The following COLQ variants were observed in gnomAD, a reference collection of about 807,000 sequenced individuals.
The protein encoded by COLQ is collagen like tail subunit of asymmetric acetylcholinesterase.
COLQ carries 48 observed loss-of-function variants against 69.0 expected under a neutral mutation model. The observed-to-expected ratio is 0.70, with a 90% confidence interval of 0.55 to 0.88. COLQ has a LOEUF of 0.88. Ranked by LOEUF, COLQ falls within the 40% of genes least tolerant of loss-of-function variation. The pLI is 0.00. For missense variants in COLQ, 618 were observed against 594.6 expected (o/e 1.04, Z -0.41); for synonymous variants, 217 against 211.2 (o/e 1.03, Z -0.24).
Position 15,458,305 on chromosome 3 carries a change from T to G in COLQ, c.835A>C (p.Lys279Gln), listed in dbSNP as rs114896510. ...PPAGQLIMGP[K>Q]GERGFPGPPG... ...GGCCCGGGAAATCCTCTTTCCCCTTTGGGTCCCATTATAAGTTGTCCTAGG... is the reference window on the plus strand; with the variant it reads ...GGCCCGGGAAATCCTCTTTCCCCTTGGGGTCCCATTATAAGTTGTCCTAGG... Residue 279 changes from lysine (K) to glutamine (Q), a missense_variant, in exon 13 of 17, where the codon AAA becomes CAA. Lys to Gln is a moderately conservative substitution (Grantham distance 53). Transcript: ENST00000383788. 6.2e-7 allele frequency: 1 copy of G among 1,614,190 alleles called. No individual in the cohort carries two copies. Among genetic ancestry groups the G allele is most frequent in the Non-Finnish European group, 8.5e-7 (1 of 1,180,026 alleles).
At chr3:15,461,423 C>T (rs1485282143) in intron 12 of COLQ, among the ~76,000 whole-genome samples, 2 of 152,146 alleles carry the variant, frequency 1.3e-5, no homozygotes, top group Admixed American at 1.3e-4. Flanking sequence ...CCAGGCTATA[C>T]TAAAGGACTC....
intron 3 of COLQ, among the ~76,000 whole-genome samples, chr3:15,484,726 C>A (rs901802290): frequency 2.6e-5 from 4 of 152,200 alleles, no homozygotes; most frequent in African/African-American, 4.8e-5. Context: ...GAAGCTTGTG[C>A]ATGTGTTGTG....
At chr3:15,457,298 T>A (rs868572111) in intron 13 of COLQ, among the ~76,000 whole-genome samples, 1 of 151,876 alleles carries the variant, frequency 6.6e-6, no homozygotes, top group Non-Finnish European at 1.5e-5. Context: ...CAATAAGCAA[T>A]AGGTTGGTTA....
At chr3:15,478,303 A>G (rs1030002157) in intron 5 of COLQ, among the ~76,000 whole-genome samples, 2 of 152,190 alleles carry the variant, frequency 1.3e-5, no homozygotes, top group African/African-American at 4.8e-5. Flanking sequence ...GTGGACCATG[A>G]AACCATTTAA....
At position 15,513,558 on chromosome 3, in the gene COLQ, A is replaced by G. The variant is rs574602808; in HGVS notation, c.106+7962T>C. Among the ~76,000 whole-genome samples, 41 of 152,314 alleles carry G rather than the reference A, an allele frequency of 2.7e-4. 1 individual carries two copies. The highest frequency in any genetic ancestry group is 4.3e-4 in the Non-Finnish European group (29 of 68,032). On this transcript the variant is annotated intron_variant, in intron 1 of 16. Transcript: ENST00000383788. The stretch of plus-strand genomic sequence containing the variant: ...GTAGAATTGAGCCCCAGTTGCTCAT[A>G]GCAGTAACCTGCTCCCGAACACACT...
intron 5 of COLQ, among the ~76,000 whole-genome samples, chr3:15,477,920 T>C (rs2062408749): frequency 6.6e-6 from 1 of 152,182 alleles, no homozygotes; most frequent in African/African-American, 2.4e-5. Context: ...TGTCTCTGCC[T>C]AAGCCAGGGC....
chr3:15,455,807 C>G, intron 15 of COLQ, 92 bp downstream of exon 15: 3 of 1,565,362 alleles, frequency 1.9e-6, no homozygotes, highest in Non-Finnish European at 2.6e-6. Context: ...TAGAAAGGTC[C>G]CAAAGCACCA....
At chr3:15,496,720 G>C (rs181468775) in intron 1 of COLQ, among the ~76,000 whole-genome samples, 1 of 152,346 alleles carries the variant, frequency 6.6e-6, no homozygotes, top group East Asian at 1.9e-4. Flanking sequence ...GCCAAATTAT[G>C]GGTAATTGTT....
At position 15,468,012 on chromosome 3, in the gene COLQ, G is replaced by C. The variant is rs138467334; in HGVS notation, c.718-1575C>G. 272 of 455,452 alleles carry C rather than the reference G, an allele frequency of 6.0e-4. 5 individuals carry two copies. In the East Asian group the frequency reaches 0.011, roughly 18 times the overall value. 28.2% of individuals were successfully genotyped at this position (455,452 alleles called of 1,614,324 possible). Reference sequence around the variant, plus strand: ...CTGAAGCATTCCCTGCAGTAACCAAGCTGGGTCTCAGGATGGCAAAGGAAG... The same window carrying C: ...CTGAAGCATTCCCTGCAGTAACCAACCTGGGTCTCAGGATGGCAAAGGAAG... On this transcript the variant is annotated intron_variant, in intron 11 of 16. Transcript: ENST00000383788.
At chr3:15,454,569 G>T (rs2061998192) in intron 15 of COLQ, among the ~76,000 whole-genome samples, 1 of 151,860 alleles carries the variant, frequency 6.6e-6, no homozygotes, top group African/African-American at 2.4e-5. Context: ...CCCTGGAGCT[G>T]TCGGGAGACA....
chr3:15,511,884 C>T (rs1182000433), intron 1 of COLQ, among the ~76,000 whole-genome samples: 1 of 152,190 alleles, frequency 6.6e-6, no homozygotes, highest in Admixed American at 6.5e-5. Flanking sequence ...ATGATCATAA[C>T]CCACCCGACA....
At chr3:15,500,118 G>A (rs2062811447) in intron 1 of COLQ, among the ~76,000 whole-genome samples, 1 of 152,202 alleles carries the variant, frequency 6.6e-6, no homozygotes, top group African/African-American at 2.4e-5. Context: ...AGGATTCCTG[G>A]AAGAGGTGGG....
chr3:15,517,762 G>T (rs550613548), intron 1 of COLQ, among the ~76,000 whole-genome samples: 6 of 152,260 alleles, frequency 3.9e-5, no homozygotes, highest in Non-Finnish European at 8.8e-5. Context: ...ATGTTCAATA[G>T]AAATCATTCT....
chr3:15,505,135 C>T lies in COLQ; in HGVS notation c.107-15498G>A, dbSNP rs149082530. ...GTTGGGAGTAGGTCAGCCCAACTCC[C>T]TTGTTGGCAAATGTCTAGGGGCCCC... is the stretch of plus-strand genomic sequence containing the variant. On this transcript the variant is annotated intron_variant, in intron 1 of 16. Transcript: ENST00000383788. 6.0e-4 allele frequency among the ~76,000 whole-genome samples: 91 copies of T among 152,302 alleles called. 3 individuals carry two copies. In the East Asian group the frequency reaches 7.1e-3, roughly 12 times the overall value.
intron 11 of COLQ, chr3:15,467,828 C>A (rs970237264): frequency 8.8e-6 from 4 of 456,208 alleles, no homozygotes; most frequent in Non-Finnish European, 1.3e-5. Context: ...TCCTTTCCAG[C>A]CACAACGGTG....
At chr3:15,495,031 G>A (rs1440512184) in intron 1 of COLQ, among the ~76,000 whole-genome samples, 1 of 152,118 alleles carries the variant, frequency 6.6e-6, no homozygotes, top group African/African-American at 2.4e-5. Flanking sequence ...CAATTTGTCC[G>A]AAGTCATATA....
rs1311078034 is a variant in COLQ at position 15,456,525 on chromosome 3, TGGCG to T, written c.1005_1008del (p.Asn335LysfsTer24). ...GATCTCTGGTCTCTGCGGAAGGCAA[TGGCG>T]TTTTGGGTGTTCAGCCTCTCAAGCT... On this transcript the variant is annotated frameshift_variant, in exon 14 of 17. Transcript: ENST00000383788. LOFTEE classifies it high-confidence loss of function. 4 of 1,614,062 alleles carry T rather than the reference TGGCG, an allele frequency of 2.5e-6. No homozygotes were observed. In the African/African-American group the frequency reaches 5.3e-5, roughly 22 times the overall value.
intron 3 of COLQ, among the ~76,000 whole-genome samples, chr3:15,479,989 A>G (rs9917792): frequency 0.054 from 8,283 of 152,278 alleles, 317 homozygotes; most frequent in African/African-American, 0.1. Flanking sequence ...ACTCTAGCTC[A>G]GGGACCCTAC....
chr3:15,487,061 C>A (rs566757826), intron 3 of COLQ, among the ~76,000 whole-genome samples: 74 of 152,178 alleles, frequency 4.9e-4, no homozygotes, highest in Non-Finnish European at 9.6e-4. Flanking sequence ...AGAGGGGAGA[C>A]CAGGAACAGA....
Sources: allele counts gnomAD v4.1 joint callset (sites outside exome capture counted in the v4.1 genomes callset), GRCh38; gene constraint gnomAD v4.1.1; transcripts MANE v1.5; gene names NCBI Gene and HGNC (gene_info 2026-07-23, HGNC 2026-07-21).